PDE4DIP: variants seen among roughly 807,000 people sequenced by gnomAD.
PDE4DIP encodes myomegalin.
PDE4DIP carries 59 observed loss-of-function variants against 221.4 expected under a neutral mutation model. The ratio of observed to expected loss-of-function variants is 0.27; its 90% CI spans 0.22 to 0.33. The LOEUF is 0.33. Among genes scored for constraint, PDE4DIP ranks in the 10% least tolerant of loss-of-function variants. PDE4DIP has a pLI of 1.00. For synonymous variants in PDE4DIP, 404 were observed against 815.9 expected (o/e 0.50, Z 8.60); for missense variants, 1,036 against 2,154.2 (o/e 0.48, Z 10.28).
intron 5 of PDE4DIP, among the ~76,000 whole-genome samples, chr1:148,954,216 T>G (rs1301582335): frequency 1.3e-5 from 2 of 152,220 alleles, no homozygotes; most frequent in African/African-American, 2.4e-5. Context: ...TAATCTCATT[T>G]CTGGCACTAG....
Position 149,012,737 on chromosome 1 carries a change from C to T in PDE4DIP, c.5227C>T (p.Gln1743Ter), listed in dbSNP as rs782298216. ...ACCAGTGGTCTCCTTGGCTGAGGCT[C>T]AGCAGGAGCTACAGATGCTGCAGAA... The change falls in exon 32 of 44, where the codon CAG becomes TAG. Residue 1743 changes from glutamine (Q) to a stop codon, truncating the protein, a stop_gained. Coordinates refer to ENST00000369354, the Ensembl canonical transcript of PDE4DIP. LOFTEE classifies it high-confidence loss of function. 11 of 1,612,294 alleles carry T rather than the reference C, an allele frequency of 6.8e-6. No individual in the cohort carries two copies. Among genetic ancestry groups the T allele is most frequent in the Non-Finnish European group, 9.3e-6 (11 of 1,179,600 alleles).
chr1:148,995,716 C>A (rs2064044613), intron 22 of PDE4DIP, among the ~76,000 whole-genome samples: 1 of 151,980 alleles, frequency 6.6e-6, no homozygotes, highest in Admixed American at 6.6e-5. Flanking sequence ...GAAATACTTG[C>A]TTTCATACAT....
intron 1 of PDE4DIP, among the ~76,000 whole-genome samples, chr1:148,926,980 T>C (rs1553466161): frequency 1.3e-5 from 2 of 148,544 alleles, no homozygotes; most frequent in Non-Finnish European, 3.0e-5. Flanking sequence ...GGTATTTGTA[T>C]TGCAGAATAA....
chr1:148,936,593 T>C lies in PDE4DIP; in HGVS notation c.519-1154T>C, dbSNP rs1321602507. Among the ~76,000 whole-genome samples the C allele has an allele frequency of 2.6e-5, 4 of 152,160 alleles. No individual in the cohort carries two copies. The South Asian group carries it at 8.3e-4, about 32-fold the overall frequency. ...GCACTGGAACATGCTGTGGGTGATTTAGCGAGTGAGTAGTGAAGTGGATGA... is the reference window on the plus strand; with the variant it reads ...GCACTGGAACATGCTGTGGGTGATTCAGCGAGTGAGTAGTGAAGTGGATGA... On this transcript the variant is annotated intron_variant, in intron 4 of 43. Transcript: ENST00000369354.
chr1:149,030,096 G>A (rs2076299035), intron 42 of PDE4DIP, 136 bp from the exon 46 acceptor site: 6 of 929,412 alleles, frequency 6.5e-6, no homozygotes, highest in Admixed American at 4.2e-5. Context: ...AGGGAGGGGA[G>A]GACAGGGGGT....
chr1:148,953,436 C>G (rs1317120908), intron 5 of PDE4DIP: 1 of 1,614,078 alleles, frequency 6.2e-7, no homozygotes, highest in African/African-American at 1.3e-5. Context: ...GTTGGGCCAC[C>G]CGACTTAGCA....
At chr1:148,937,257 C>T (rs587657958) in intron 4 of PDE4DIP, among the ~76,000 whole-genome samples, 4 of 152,292 alleles carry the variant, frequency 2.6e-5, no homozygotes, top group South Asian at 2.1e-4. Context: ...GTATATGGTA[C>T]GTGACTGTAG....
chr1:149,029,863 C>T (rs140693807), exon 42 of PDE4DIP: 5 of 1,606,200 alleles, frequency 3.1e-6, no homozygotes, highest in East Asian at 4.5e-5. Context: ...CAGAGCACAA[C>T]TGAGCATCTG....
chr1:149,012,701 T>G (rs1553606532), exon 32 of PDE4DIP: 7 of 1,613,846 alleles, frequency 4.3e-6, no homozygotes. Flanking sequence ...CCTCCTTGGC[T>G]GCTGTGAGAC....
At position 148,907,018 on chromosome 1, in the gene PDE4DIP, C is replaced by A. The variant is rs587722128; in HGVS notation, c.141+17124C>A. Among the ~76,000 whole-genome samples, 155 of 151,602 alleles carry A rather than the reference C, an allele frequency of 1.0e-3. 2 individuals carry two copies. In the Middle Eastern group the frequency reaches 0.014, roughly 13 times the overall value. ...GTGCCAAGATCGCGCCATTGCACTC[C>A]AGCCTGGACTACAAGAGTGAAACTC... On this transcript the variant is annotated intron_variant, in intron 1 of 43. Coordinates refer to ENST00000369354, the Ensembl canonical transcript of PDE4DIP.
intron 5 of PDE4DIP, among the ~76,000 whole-genome samples, chr1:148,954,370 G>T (rs1382217335): frequency 6.6e-6 from 1 of 151,744 alleles, no homozygotes; most frequent in Non-Finnish European, 1.5e-5. Flanking sequence ...GCCTTCATCC[G>T]CAAAATGCCT....
At chr1:148,978,868 C>G (rs587720850) in intron 19 of PDE4DIP, among the ~76,000 whole-genome samples, 1 of 152,142 alleles carries the variant, frequency 6.6e-6, no homozygotes, top group African/African-American at 2.4e-5. Context: ...CTACTTTGGT[C>G]GGTAGCAGCT....
At chr1:148,975,321 A>G (rs1338499819) in intron 17 of PDE4DIP, among the ~76,000 whole-genome samples, 1 of 145,326 alleles carries the variant, frequency 6.9e-6, no homozygotes, top group Non-Finnish European at 1.5e-5. Flanking sequence ...GTGTTTATCA[A>G]GTATTCATGT....
chr1:148,978,206 G>A (rs1293410210), intron 18 of PDE4DIP, 72 bp from the exon 22 acceptor site: 1 of 1,375,702 alleles, frequency 7.3e-7, no homozygotes, highest in Non-Finnish European at 1.0e-6. Context: ...CAAGACATTT[G>A]TTCCCGTGCT....
exon 34 of PDE4DIP, chr1:149,017,813 A>G (rs782139977): frequency 5.6e-6 from 9 of 1,612,294 alleles, no homozygotes; most frequent in Admixed American, 1.7e-5. Flanking sequence ...GGAGGAATCC[A>G]TCTGCATCAA....
intron 3 of PDE4DIP, among the ~76,000 whole-genome samples, chr1:148,879,035 G>GTTT (rs78320261): frequency 1.7e-5 from 1 of 59,164 alleles, no homozygotes. Flanking sequence ...GTTTTGTTTT[G>GTTT]TTTTTTTTTT....
At chr1:148,907,671 T>C (rs587665620) in intron 1 of PDE4DIP, among the ~76,000 whole-genome samples, 2 of 139,370 alleles carry the variant, frequency 1.4e-5, no homozygotes, top group African/African-American at 5.2e-5. Flanking sequence ...GTAGGATTCC[T>C]GCTGAGAAAT....
In PDE4DIP at chr1:148,966,880, A is replaced by G. The variant is rs150716992; in HGVS notation, c.1509A>G (p.Glu503=). 5.3e-3 allele frequency: 7,983 copies of G among 1,499,030 alleles called. 592 individuals are homozygous for G. In the Admixed American group the frequency reaches 0.13, roughly 24 times the overall value. The allele number at this position is 1,499,030 out of a possible 1,614,324, so 92.9% of individuals were successfully genotyped here. A position where few individuals can be genotyped will look rare whatever the true frequency, so the allele number is the denominator to read the frequency against. The change falls in exon 12 of 44, where the codon GAA becomes GAG. Residue 503 remains glutamate, a synonymous_variant. Coordinates refer to ENST00000369354, the Ensembl canonical transcript of PDE4DIP. ...AATTCTCTGCTCTAGAAGAGAAAGA[A>G]AAAGAACTGCGCCAGCTTCGTCTTG...
intron 1 of PDE4DIP, among the ~76,000 whole-genome samples, chr1:148,859,628 C>T (rs1683152660): frequency 6.7e-6 from 1 of 150,184 alleles, no homozygotes; most frequent in Admixed American, 6.6e-5. Context: ...TGCAGGAGAG[C>T]TAAAAGTGGC....
Sources: gnomAD v4.1 joint callset for allele counts (sites outside exome capture counted in the v4.1 genomes callset) on GRCh38, gnomAD v4.1.1 for gene constraint, MANE v1.5 for transcripts, NCBI Gene and HGNC (gene_info 2026-07-23, HGNC 2026-07-21) for gene names.